GPX2: variants seen among roughly 807,000 people sequenced by gnomAD.
GPX2 encodes gastrointestinal glutathione peroxidase.
Under a neutral mutation model 14.1 loss-of-function variants are expected in GPX2, and 21 were observed. The ratio of observed to expected loss-of-function variants is 1.48; its 90% CI spans 1.05 to 2.14. The LOEUF (loss-of-function observed/expected upper bound fraction) is 2.14, where lower values mean the gene tolerates loss of function less well. Ranked by LOEUF, GPX2 falls within the 30% of genes most tolerant of loss-of-function variation. The pLI, the probability that GPX2 is intolerant of heterozygous loss-of-function variation, is 0.00. For missense variants in GPX2, 241 were observed against 249.8 expected (o/e 0.96, Z 0.24); for synonymous variants, 94 against 95.2 (o/e 0.99, Z 0.07).
At position 64,942,687 on chromosome 14, in the gene GPX2, T is replaced by C. The variant is rs1368550962; in HGVS notation, c.40A>G (p.Ile14Val). The change falls in exon 1 of 2, where the codon ATC becomes GTC. Residue 14 changes from isoleucine (I) to valine (V), a missense_variant. Physicochemically the swap from Ile to Val is conservative, Grantham distance 29 (BLOSUM62 3). Coordinates refer to ENST00000389614, the MANE Select transcript of GPX2 (RefSeq NM_002083.4). ...IAKSFYDLSA[I>V]SLDGEKVDFN... ...TCTACCTTCTCCCCATCCAGGCTGA[T>C]GGCACTGAGGTCATAGAAGGACTTG... 1.9e-6 allele frequency: 3 copies of C among 1,614,132 alleles called. No individual in the cohort carries two copies. In the Admixed American group the frequency reaches 5.0e-5, roughly 27 times the overall value.
intron 1 of GPX2, 151 bp downstream of exon 1, chr14:64,942,354 G>T: frequency 1.6e-6 from 1 of 628,190 alleles, no homozygotes; most frequent in Non-Finnish European, 2.9e-6. Flanking sequence ...ACCTTCTCTT[G>T]GTATGTCACA....
Position 64,940,155 on chromosome 14 carries a change from A to C in GPX2, c.223-317T>G, listed in dbSNP as rs778270141. The C allele has an allele frequency of 1.5e-6, 2 of 1,348,598 alleles. No individual in the cohort carries two copies. The highest frequency in any genetic ancestry group is 2.5e-5 in the South Asian group (2 of 81,484). The allele number at this position is 1,348,598 out of a possible 1,614,324, so 83.5% of individuals were successfully genotyped here. A position where few individuals can be genotyped will look rare whatever the true frequency, so the allele number is the denominator to read the frequency against. On this transcript the variant is annotated intron_variant, in intron 1 of 1. Transcript: ENST00000389614. This position sits in a 1 kb window ranked among gnomAD's most constrained non-coding sequence, Gnocchi z 4.5. ...CTTTGGCTGCTCTTCAAGATTTAGCACTTCTGAGCTGTTGCTTTTGTCTCC... is the reference window on the plus strand; with the variant it reads ...CTTTGGCTGCTCTTCAAGATTTAGCCCTTCTGAGCTGTTGCTTTTGTCTCC...
chr14:64,942,702 A>T lies in GPX2; in HGVS notation c.25T>A (p.Tyr9Asn), dbSNP rs770449673. ...TCCAGGCTGATGGCACTGAGGTCAT[A>T]GAAGGACTTGGCAATGAAAGCCATG... The part of the protein sequence containing the change: MAFIAKSF[Y>N]DLSAISLDGE... Residue 9 changes from tyrosine to asparagine, a missense_variant, in exon 1 of 2, where the codon TAT becomes AAT. Coordinates refer to ENST00000389614, the MANE Select transcript of GPX2 (RefSeq NM_002083.4). 4 of 1,614,116 alleles carry T rather than the reference A, an allele frequency of 2.5e-6. 1 individual carries two copies. The South Asian group carries it at 4.4e-5, about 18-fold the overall frequency.
Position 64,939,558 on chromosome 14 carries a change from C to G in GPX2, c.503G>C (p.Arg168Pro), listed in dbSNP as rs775857427. 6.2e-7 allele frequency: 1 copy of G among 1,614,116 alleles called. No homozygotes were observed. The highest frequency in any genetic ancestry group is 1.7e-5 in the Admixed American group (1 of 60,016). ...LIGPEGEPFR[R>P]YSRTFPTINI... is the part of the protein sequence containing the mutation. ...GATGGTTGGGAAGGTGCGGCTGTAGCGTCGGAAGGGCTCTCCCTCCGGCCC... is the reference window on the plus strand; with the variant it reads ...GATGGTTGGGAAGGTGCGGCTGTAGGGTCGGAAGGGCTCTCCCTCCGGCCC... Residue 168 changes from arginine to proline, a missense_variant, in exon 2 of 2, where the codon CGC becomes CCC. Transcript: ENST00000389614. This position sits in a 1 kb window ranked among gnomAD's most constrained non-coding sequence, Gnocchi z 5.7.
chr14:64,942,055 C>T (rs1010237792), intron 1 of GPX2, among the ~76,000 whole-genome samples: 7 of 152,134 alleles, frequency 4.6e-5, no homozygotes, highest in South Asian at 4.1e-4. Flanking sequence ...GAAACTAAAC[C>T]GAAAAATGAA....
chr14:64,941,235 T>A, intron 1 of GPX2: 1 of 536,196 alleles, frequency 1.9e-6, no homozygotes, highest in Non-Finnish European at 2.7e-6. Context: ...CCTGGCTAAT[T>A]TTTGCAATTT....
At position 64,939,548 on chromosome 14, in the gene GPX2, G is replaced by A. The variant is rs527885375; in HGVS notation, c.513C>T (p.Arg171=). Residue 171 remains arginine, a synonymous_variant, in exon 2 of 2, where the codon CGC becomes CGT. Coordinates refer to ENST00000389614, the MANE Select transcript of GPX2 (RefSeq NM_002083.4). The surrounding 1 kb of genome is among the most constrained non-coding windows in gnomAD (Gnocchi z 5.7). ...PEGEPFRRYS[R]TFPTINIEPD... Reference sequence around the variant, plus strand: ...GCTCAATGTTGATGGTTGGGAAGGTGCGGCTGTAGCGTCGGAAGGGCTCTC... The same window carrying A: ...GCTCAATGTTGATGGTTGGGAAGGTACGGCTGTAGCGTCGGAAGGGCTCTC... The A allele has an allele frequency of 1.9e-6, 3 of 1,614,134 alleles. No homozygotes were observed. The Admixed American group carries it at 5.0e-5, about 27-fold the overall frequency.
In GPX2 at chr14:64,939,733, G is replaced by T; in HGVS notation, c.328C>A (p.Gln110Lys). ...TLVQKCEVNG[Q>K]NEHPVFAYLK... ...TAGGCGAAGACAGGATGCTCGTTCT[G>T]CCCATTCACCTCACATTTTTGGACA... is the stretch of plus-strand genomic sequence containing the variant. Residue 110 changes from glutamine (Q) to lysine (K), a missense_variant, in exon 2 of 2, where the codon CAG becomes AAG. Gln to Lys is a moderately conservative substitution (Grantham distance 53). Coordinates refer to ENST00000389614, the MANE Select transcript of GPX2 (RefSeq NM_002083.4). The surrounding 1 kb of genome is among the most constrained non-coding windows in gnomAD (Gnocchi z 5.7). The T allele has an allele frequency of 6.2e-7, 1 of 1,614,092 alleles. No individual in the cohort carries two copies. The highest frequency in any genetic ancestry group is 8.5e-7 in the Non-Finnish European group (1 of 1,180,006).
In GPX2 at chr14:64,940,101, A is replaced by C; in HGVS notation, c.223-263T>G. 1 of 1,308,320 alleles carries C rather than the reference A, an allele frequency of 7.6e-7. No individual in the cohort carries two copies. Among genetic ancestry groups the C allele is most frequent in the Non-Finnish European group, 1.0e-6 (1 of 998,914 alleles). 81.0% of individuals were successfully genotyped at this position (1,308,320 alleles called of 1,614,324 possible). A position where few individuals can be genotyped will look rare whatever the true frequency, so the allele number is the denominator to read the frequency against. On this transcript the variant is annotated intron_variant, in intron 1 of 1. Coordinates refer to ENST00000389614, the MANE Select transcript of GPX2 (RefSeq NM_002083.4). The surrounding 1 kb of genome is among the most constrained non-coding windows in gnomAD (Gnocchi z 4.5). ...CCGGCTAATTTTTTTTTTTTTTTGT[A>C]GAGATGGGGTCTCACTTTGTTGCCC...
In GPX2 at chr14:64,940,180, C is replaced by T; in HGVS notation, c.223-342G>A. The T allele has an allele frequency of 7.5e-7, 1 of 1,325,932 alleles. No homozygotes were observed. Among genetic ancestry groups the T allele is most frequent in the Non-Finnish European group, 9.9e-7 (1 of 1,013,406 alleles). The allele number at this position is 1,325,932 out of a possible 1,614,324, so 82.1% of individuals were successfully genotyped here. ...ACTTCTGAGCTGTTGCTTTTGTCTC[C>T]AGTCTACCCTGAGCAGTTCTTAAGG... is the stretch of plus-strand genomic sequence containing the variant. On this transcript the variant is annotated intron_variant, in intron 1 of 1. Coordinates refer to ENST00000389614, the MANE Select transcript of GPX2 (RefSeq NM_002083.4). The surrounding 1 kb of genome is among the most constrained non-coding windows in gnomAD (Gnocchi z 4.5).
At position 64,942,729 on chromosome 14, in the gene GPX2, T is replaced by G. The variant is rs1247793775; in HGVS notation, c.-3A>C. On this transcript the variant is annotated 5_prime_UTR_variant, in exon 1 of 2. Coordinates refer to ENST00000389614, the MANE Select transcript of GPX2 (RefSeq NM_002083.4). Reference sequence around the variant, plus strand: ...AAGGACTTGGCAATGAAAGCCATGGTGAAGCGCAGAGTGAGCCCCGCAGAG... The same window carrying G: ...AAGGACTTGGCAATGAAAGCCATGGGGAAGCGCAGAGTGAGCCCCGCAGAG... 11 of 1,612,122 alleles carry G rather than the reference T, an allele frequency of 6.8e-6. No individual in the cohort carries two copies. Among genetic ancestry groups the G allele is most frequent in the Non-Finnish European group, 9.3e-6 (11 of 1,178,694 alleles).
rs1462880304 is a variant in GPX2, at chr14:64,939,978, C to T, written c.223-140G>A. ...GTGAAAGAGAGAGAGACAAGACAGA[C>T]GAGGTGTTGCTCACTGCAGCCTTGA... On this transcript the variant is annotated intron_variant, in intron 1 of 1. Transcript: ENST00000389614. The surrounding 1 kb of genome is among the most constrained non-coding windows in gnomAD (Gnocchi z 5.7). The T allele has an allele frequency of 1.2e-5, 17 of 1,469,522 alleles. No individual in the cohort carries two copies. Among genetic ancestry groups the T allele is most frequent in the South Asian group, 1.4e-5 (1 of 70,342 alleles). 91.0% of individuals were successfully genotyped at this position (1,469,522 alleles called of 1,614,324 possible).
Position 64,940,249 on chromosome 14 carries a change from CT to C in GPX2, c.223-412del. On this transcript the variant is annotated intron_variant, in intron 1 of 1. Transcript: ENST00000389614. The surrounding 1 kb of genome is among the most constrained non-coding windows in gnomAD (Gnocchi z 4.5). ...GAGAAAAGAGGCTTAGGTTATACTGCTTAGAACCTCCTCTTCAACTAACCTA... is the reference window on the plus strand; with the variant it reads ...GAGAAAAGAGGCTTAGGTTATACTGCTAGAACCTCCTCTTCAACTAACCTA... 8.9e-7 allele frequency: 1 copy of C among 1,117,834 alleles called. No individual in the cohort carries two copies. The highest frequency in any genetic ancestry group is 1.2e-6 in the Non-Finnish European group (1 of 831,696). The allele number at this position is 1,117,834 out of a possible 1,614,324, so 69.2% of individuals were successfully genotyped here. A position where few individuals can be genotyped will look rare whatever the true frequency, so the allele number is the denominator to read the frequency against.
Position 64,939,728 on chromosome 14 carries a change from G to T in GPX2, c.333C>A (p.Asn111Lys). 6.2e-7 allele frequency: 1 copy of T among 1,614,136 alleles called. No individual in the cohort carries two copies. The highest frequency in any genetic ancestry group is 8.5e-7 in the Non-Finnish European group (1 of 1,180,020). Residue 111 changes from asparagine to lysine, a missense_variant, in exon 2 of 2, where the codon AAC becomes AAA. By Grantham distance (94) the Asn-to-Lys change is moderately conservative. Transcript: ENST00000389614. The surrounding 1 kb of genome is among the most constrained non-coding windows in gnomAD (Gnocchi z 5.7). ...LVQKCEVNGQ[N>K]EHPVFAYLKD... is the part of the protein sequence containing the mutation. ...TCAGGTAGGCGAAGACAGGATGCTC[G>T]TTCTGCCCATTCACCTCACATTTTT...
At position 64,940,949 on chromosome 14, in the gene GPX2, C is replaced by T. The variant is rs1208054067; in HGVS notation, c.223-1111G>A. Among the ~76,000 whole-genome samples, 1 of 152,214 alleles carries T rather than the reference C, an allele frequency of 6.6e-6. No homozygotes were observed. The highest frequency in any genetic ancestry group is 6.5e-5 in the Admixed American group (1 of 15,286). Reference sequence around the variant, plus strand: ...ACCTTTCCAATTTAACAGACAGATACCTTCCTCTGGGAGAAAGTTCCTGCT... The same window carrying T: ...ACCTTTCCAATTTAACAGACAGATATCTTCCTCTGGGAGAAAGTTCCTGCT... On this transcript the variant is annotated intron_variant, in intron 1 of 1. Transcript: ENST00000389614. The surrounding 1 kb of genome is among the most constrained non-coding windows in gnomAD (Gnocchi z 4.5).
Position 64,939,207 on chromosome 14 carries a change from C to G in GPX2, c.*281G>C. On this transcript the variant is annotated 3_prime_UTR_variant, in exon 2 of 2. Coordinates refer to ENST00000389614, the MANE Select transcript of GPX2 (RefSeq NM_002083.4). The surrounding 1 kb of genome is among the most constrained non-coding windows in gnomAD (Gnocchi z 5.7). ...CTCTTCTAGCAGAGTGGCTCCAGGC[C>G]CTTCACGCCTCTCAGACACCACCCA... The G allele has an allele frequency of 2.4e-6, 1 of 410,418 alleles. No individual in the cohort carries two copies. Among genetic ancestry groups the G allele is most frequent in the African/African-American group, 2.0e-5 (1 of 49,970 alleles). The allele number at this position is 410,418 out of a possible 1,614,324, so 25.4% of individuals were successfully genotyped here.
Position 64,939,238 on chromosome 14 carries a change from G to T in GPX2, c.*250C>A. 2 of 503,414 alleles carry T rather than the reference G, an allele frequency of 4.0e-6. No individual in the cohort carries two copies. The highest frequency in any genetic ancestry group is 7.2e-6 in the Non-Finnish European group (2 of 277,446). The allele number at this position is 503,414 out of a possible 1,614,324, so 31.2% of individuals were successfully genotyped here. A position where few individuals can be genotyped will look rare whatever the true frequency, so the allele number is the denominator to read the frequency against. ...CGCCTCTCAGACACCACCCATGAGG[G>T]TTTAGGAAGGTGCCATCATTCTGTG... On this transcript the variant is annotated 3_prime_UTR_variant, in exon 2 of 2. Transcript: ENST00000389614. The surrounding 1 kb of genome is among the most constrained non-coding windows in gnomAD (Gnocchi z 5.7).
At position 64,940,939 on chromosome 14, in the gene GPX2, C is replaced by G. The variant is rs2412065; in HGVS notation, c.223-1101G>C. On this transcript the variant is annotated intron_variant, in intron 1 of 1. Coordinates refer to ENST00000389614, the MANE Select transcript of GPX2 (RefSeq NM_002083.4). The surrounding 1 kb of genome is among the most constrained non-coding windows in gnomAD (Gnocchi z 4.5). Reference sequence around the variant, plus strand: ...TTCCACCTCTACCTTTCCAATTTAACAGACAGATACCTTCCTCTGGGAGAA... The same window carrying G: ...TTCCACCTCTACCTTTCCAATTTAAGAGACAGATACCTTCCTCTGGGAGAA... Among the ~76,000 whole-genome samples, 40,317 of 152,120 alleles carry G rather than the reference C, an allele frequency of 0.27. 6,119 individuals carry two copies. Among genetic ancestry groups the G allele is most frequent in the African/African-American group, 0.41 (16,854 of 41,482 alleles).
rs1885474331 is a variant in GPX2 at position 64,939,384 on chromosome 14, C to T, written c.*104G>A. 1 of 846,192 alleles carries T rather than the reference C, an allele frequency of 1.2e-6. No homozygotes were observed. Among genetic ancestry groups the T allele is most frequent in the African/African-American group, 1.7e-5 (1 of 59,140 alleles). The allele number at this position is 846,192 out of a possible 1,614,324, so 52.4% of individuals were successfully genotyped here. Reference sequence around the variant, plus strand: ...GCTCTGCAGTGAAGGGGACTGATATCAAGGGAATGCTGAGGTCCAGCAGTG... The same window carrying T: ...GCTCTGCAGTGAAGGGGACTGATATTAAGGGAATGCTGAGGTCCAGCAGTG... On this transcript the variant is annotated 3_prime_UTR_variant, in exon 2 of 2. Transcript: ENST00000389614. The surrounding 1 kb of genome is among the most constrained non-coding windows in gnomAD (Gnocchi z 5.7).
Sources: gnomAD v4.1 joint callset for allele counts (sites outside exome capture counted in the v4.1 genomes callset) on GRCh38, gnomAD v4.1.1 for gene constraint, Gnocchi (gnomAD v3.1) non-coding constraint, MANE v1.5 for transcripts, NCBI Gene and HGNC (gene_info 2026-07-23, HGNC 2026-07-21) for gene names.